ZNF385D: variants seen among roughly 807,000 people sequenced by gnomAD.
ZNF385D encodes zinc finger protein 659.
A neutral mutation model predicts 35.8 loss-of-function variants in ZNF385D; 15 were observed. The ratio of observed to expected loss-of-function variants is 0.42; its 90% confidence interval spans 0.28 to 0.64. The LOEUF is 0.64. Among genes scored for constraint, ZNF385D ranks in the 30% least tolerant of loss-of-function variants. The pLI is 0.23. For missense variants in ZNF385D, 474 were observed against 494.6 expected (o/e 0.96, Z 0.39); for synonymous variants, 212 against 186.8 (o/e 1.13, Z -1.10).
At chr3:21,900,246 G>A (rs259488) in intron 3 of ZNF385D, among the ~76,000 whole-genome samples, 88,426 of 151,942 alleles carry the variant, frequency 0.58, 26,038 homozygotes, top group South Asian at 0.71. Flanking sequence ...TTGGAGCCAC[G>A]TCTCACCTTA....
intron 3 of ZNF385D, among the ~76,000 whole-genome samples, chr3:21,540,846 C>G (rs2062156806): frequency 6.6e-6 from 1 of 152,170 alleles, no homozygotes; most frequent in African/African-American, 2.4e-5. Context: ...CATGGCATAT[C>G]TTGCCTCCGT....
intron 3 of ZNF385D, among the ~76,000 whole-genome samples, chr3:22,038,225 A>C (rs2125498258): frequency 6.6e-6 from 1 of 152,274 alleles, no homozygotes; most frequent in East Asian, 1.9e-4. Context: ...TTCTTGATTG[A>C]AATTATAAAA....
intron 3 of ZNF385D, among the ~76,000 whole-genome samples, chr3:21,879,991 C>T (rs1010181791): frequency 4.0e-5 from 6 of 151,832 alleles, no homozygotes; most frequent in Non-Finnish European, 8.8e-5. Context: ...TTTGTCTCTC[C>T]CTGGCATCAT....
intron 1 of ZNF385D, among the ~76,000 whole-genome samples, chr3:21,682,563 T>C (rs1476813997): frequency 6.7e-6 from 1 of 150,112 alleles, no homozygotes; most frequent in East Asian, 2.0e-4. Flanking sequence ...GGTCCTTTAA[T>C]AGAAATGAAA....
intron 2 of ZNF385D, among the ~76,000 whole-genome samples, chr3:21,633,535 G>A (rs2065342206): frequency 6.6e-6 from 1 of 152,196 alleles, no homozygotes; most frequent in East Asian, 1.9e-4. Context: ...AAATTATCAA[G>A]AGATTATTAC....
intron 2 of ZNF385D, among the ~76,000 whole-genome samples, chr3:21,654,393 G>C (rs1051289293): frequency 6.6e-6 from 1 of 152,092 alleles, no homozygotes; most frequent in African/African-American, 2.4e-5. Context: ...ATGAGCTTCA[G>C]AGAGAACCAT....
At chr3:22,255,722 T>G (rs1279501807) in intron 2 of ZNF385D, among the ~76,000 whole-genome samples, 3 of 151,880 alleles carry the variant, frequency 2.0e-5, no homozygotes, top group Non-Finnish European at 4.4e-5. Context: ...TGGTAAAGTT[T>G]TATTTGCATG....
chr3:21,958,745 T>C (rs1314831480), intron 3 of ZNF385D: 1 of 146,752 alleles, frequency 6.8e-6, no homozygotes, highest in East Asian at 2.0e-4. Flanking sequence ...TATTAAGCTG[T>C]AGAGTGATGG....
chr3:21,616,926 T>G (rs2064864257), intron 2 of ZNF385D, among the ~76,000 whole-genome samples: 1 of 152,178 alleles, frequency 6.6e-6, no homozygotes, highest in Non-Finnish European at 1.5e-5. Context: ...AATACCCAAA[T>G]TATTACTTCC....
intron 3 of ZNF385D, among the ~76,000 whole-genome samples, chr3:21,876,397 C>T (rs1697975574): frequency 1.3e-5 from 2 of 151,138 alleles, no homozygotes; most frequent in Non-Finnish European, 2.9e-5. Flanking sequence ...GAGCCACTGA[C>T]TGCCTGTGAG....
chr3:22,201,436 A>T (rs549728444), intron 2 of ZNF385D, among the ~76,000 whole-genome samples: 1 of 152,282 alleles, frequency 6.6e-6, no homozygotes, highest in East Asian at 1.9e-4. Context: ...TTACATATAC[A>T]TGTAGAAGAA....
chr3:22,365,297 A>T, intron 2 of ZNF385D, among the ~76,000 whole-genome samples: 1 of 152,070 alleles, frequency 6.6e-6, no homozygotes, highest in East Asian at 1.9e-4. Flanking sequence ...ATAAGTAAAC[A>T]TTGTCTATTC....
At chr3:21,791,691 A>G (rs895419212) in intron 3 of ZNF385D, among the ~76,000 whole-genome samples, 2 of 152,208 alleles carry the variant, frequency 1.3e-5, no homozygotes, top group African/African-American at 2.4e-5. Flanking sequence ...AGAAAGTTTA[A>G]GTAATAGTTA....
chr3:21,503,571 T>C (rs189492509), intron 4 of ZNF385D, among the ~76,000 whole-genome samples: 112 of 152,324 alleles, frequency 7.4e-4, no homozygotes, highest in African/African-American at 2.6e-3. Context: ...TAAATGAATT[T>C]TTTTAAAAAT....
chr3:22,073,623 CT>C (rs1700329234), intron 3 of ZNF385D, among the ~76,000 whole-genome samples: 1 of 151,584 alleles, frequency 6.6e-6, no homozygotes. Flanking sequence ...ATAATTTAGG[CT>C]TTTTATTTTT....
chr3:22,270,330 C>G (rs1559490208), intron 2 of ZNF385D, among the ~76,000 whole-genome samples: 1 of 151,898 alleles, frequency 6.6e-6, no homozygotes, highest in Non-Finnish European at 1.5e-5. Context: ...AAAATTGAAG[C>G]TATCCAACAG....
At position 21,421,346 on chromosome 3, in the gene ZNF385D, A is replaced by C. The variant is rs777606688; in HGVS notation, c.1056T>G (p.Ser352Arg). ...AAAAAAAVAV[S>R]SPFSLRTAPA... ...GAGCAGTTCGAAGACTGAAGGGGGA[A>C]CTCACTGCCACTGCTGCTGCGGCTG... Residue 352 changes from serine to arginine, a missense_variant, in exon 8 of 8, where the codon AGT (serine) becomes AGG (arginine). Coordinates refer to ENST00000281523, the MANE Select transcript of ZNF385D (RefSeq NM_024697.3). The C allele has an allele frequency of 6.2e-7, 1 of 1,613,706 alleles. No homozygotes were observed. Among genetic ancestry groups the C allele is most frequent in the South Asian group, 1.1e-5 (1 of 91,028 alleles).
At chr3:21,621,539 T>TA (rs780567350) in intron 2 of ZNF385D, among the ~76,000 whole-genome samples, 33 of 133,334 alleles carry the variant, frequency 2.5e-4, no homozygotes, top group Admixed American at 3.1e-4. Flanking sequence ...TGTCATCAGT[T>TA]AAAAAAAAAA....
chr3:21,719,263 C>A (rs1207002594), intron 1 of ZNF385D, among the ~76,000 whole-genome samples: 1 of 152,172 alleles, frequency 6.6e-6, no homozygotes, highest in African/African-American at 2.4e-5. Flanking sequence ...ACGTTATGTA[C>A]TTGTTACTAA....
Sources: gnomAD v4.1 joint callset for allele counts (sites outside exome capture counted in the v4.1 genomes callset) on GRCh38, gnomAD v4.1.1 for gene constraint, MANE v1.5 for transcripts, NCBI Gene and HGNC (gene_info 2026-07-23, HGNC 2026-07-21) for gene names.